The following TTLL11 variants were observed in gnomAD, a reference collection of about 807,000 sequenced individuals.
The protein encoded by TTLL11 is tubulin polyglutamylase TTLL11.
Under a neutral mutation model 51.7 loss-of-function variants are expected in TTLL11, and 42 were observed. The ratio of observed to expected loss-of-function variants is 0.81; its 90% confidence interval spans 0.64 to 1.05. The LOEUF is 1.05. Ranked by LOEUF, TTLL11 falls within the 50% of genes least tolerant of loss-of-function variation. The probability of loss-of-function intolerance (pLI) is 0.00; values close to 1 mark genes in which losing one functional copy is unlikely to be tolerated. For synonymous variants in TTLL11, 381 were observed against 383.5 expected (o/e 0.99, Z 0.08); for missense variants, 799 against 940.4 (o/e 0.85, Z 1.97).
chr9:122,007,996 G>C lies in TTLL11; in HGVS notation c.694-18226C>G, dbSNP rs534342845. On this transcript the variant is annotated intron_variant, in intron 3 of 8. Transcript: ENST00000321582. ...ATGTGCCTCCAGATATGATACCCAC[G>C]AGAAAAACACAATGTTGCTTCTGTG... is the stretch of plus-strand genomic sequence containing the variant. 2.9e-4 allele frequency among the ~76,000 whole-genome samples: 44 copies of C among 152,224 alleles called. 2 individuals carry two copies. The South Asian group carries it at 8.9e-3, about 31-fold the overall frequency.
chr9:122,006,779 G>T (rs557589691), intron 3 of TTLL11, among the ~76,000 whole-genome samples: 26 of 151,968 alleles, frequency 1.7e-4, no homozygotes, highest in Non-Finnish European at 3.7e-4. Context: ...GAGGCCAGGA[G>T]GTTCAAGACC....
At chr9:121,878,793 C>T (rs1403832696) in intron 6 of TTLL11, among the ~76,000 whole-genome samples, 1 of 152,190 alleles carries the variant, frequency 6.6e-6, no homozygotes, top group African/African-American at 2.4e-5. Flanking sequence ...CGCGTGTCTT[C>T]GCCATTGTCC....
chr9:121,962,206 G>A (rs1056822669), intron 6 of TTLL11, among the ~76,000 whole-genome samples: 1 of 152,204 alleles, frequency 6.6e-6, no homozygotes, highest in Non-Finnish European at 1.5e-5. Flanking sequence ...GAGATGTCAT[G>A]CTATGCACTT....
At chr9:122,043,858 TTTTTA>T (rs1180721132) in intron 1 of TTLL11, among the ~76,000 whole-genome samples, 73 of 152,162 alleles carry the variant, frequency 4.8e-4, no homozygotes, top group African/African-American at 1.7e-3. Context: ...TTCTTTTCTT[TTTTTA>T]TTTTATTATT....
intron 3 of TTLL11, among the ~76,000 whole-genome samples, chr9:122,002,675 G>A (rs1045363644): frequency 2.2e-4 from 34 of 152,122 alleles, no homozygotes; most frequent in African/African-American, 6.3e-4. Flanking sequence ...GGCTGGGTGC[G>A]GTGGCTCATG....
At chr9:121,873,227 A>G (rs1838420261) in intron 6 of TTLL11, among the ~76,000 whole-genome samples, 1 of 152,218 alleles carries the variant, frequency 6.6e-6, no homozygotes, top group African/African-American at 2.4e-5. Flanking sequence ...TTTGCACAGT[A>G]GACTGTTATG....
chr9:122,049,590 T>C (rs1366903544), intron 1 of TTLL11, among the ~76,000 whole-genome samples: 1 of 152,230 alleles, frequency 6.6e-6, no homozygotes, highest in African/African-American at 2.4e-5. Flanking sequence ...TACACCTGGA[T>C]GGACCCGAAA....
chr9:122,057,434 G>T (rs932646801), intron 1 of TTLL11, among the ~76,000 whole-genome samples: 3 of 149,720 alleles, frequency 2.0e-5, no homozygotes, highest in Admixed American at 6.8e-5. Flanking sequence ...CAATTCTCCT[G>T]CCTCAGCCTT....
At chr9:121,996,853 C>G (rs1843283195) in intron 3 of TTLL11, among the ~76,000 whole-genome samples, 1 of 152,212 alleles carries the variant, frequency 6.6e-6, no homozygotes, top group African/African-American at 2.4e-5. Context: ...TAATTGCCAA[C>G]TCTCCACTCT....
chr9:122,027,148 G>A (rs1844369923), intron 3 of TTLL11, among the ~76,000 whole-genome samples: 1 of 152,096 alleles, frequency 6.6e-6, no homozygotes. Context: ...GCTGGAGCAG[G>A]AGCAAGAGAG....
chr9:122,092,337 G>C (rs1375930058), intron 1 of TTLL11, among the ~76,000 whole-genome samples: 1 of 152,188 alleles, frequency 6.6e-6, no homozygotes, highest in Non-Finnish European at 1.5e-5. Flanking sequence ...AGAAGTGAGA[G>C]AGCGGGTCCG....
intron 6 of TTLL11, among the ~76,000 whole-genome samples, chr9:121,964,298 TTTG>T (rs1443396060): frequency 1.4e-5 from 2 of 146,384 alleles, no homozygotes; most frequent in Non-Finnish European, 3.0e-5. Context: ...TTTTTTGTTT[TTTG>T]TTTTTTGTTT....
intron 4 of TTLL11, among the ~76,000 whole-genome samples, chr9:121,978,843 C>G (rs951099057): frequency 1.3e-5 from 2 of 152,176 alleles, no homozygotes; most frequent in African/African-American, 4.8e-5. Context: ...TCTGCATCCA[C>G]AGTATCCCCA....
At chr9:121,976,046 G>A (rs1842701694) in intron 4 of TTLL11, among the ~76,000 whole-genome samples, 1 of 152,086 alleles carries the variant, frequency 6.6e-6, no homozygotes, top group African/African-American at 2.4e-5. Flanking sequence ...GACAGAGCTG[G>A]CTTTCACACC....
At chr9:121,931,833 T>C (rs1012383334) in intron 6 of TTLL11, among the ~76,000 whole-genome samples, 6 of 152,138 alleles carry the variant, frequency 3.9e-5, no homozygotes, top group Non-Finnish European at 8.8e-5. Context: ...CAGAGAAATA[T>C]TGATGCCAAC....
intron 2 of TTLL11, among the ~76,000 whole-genome samples, chr9:122,036,353 C>T (rs1410003023): frequency 2.0e-5 from 3 of 151,960 alleles, no homozygotes; most frequent in Non-Finnish European, 2.9e-5. Flanking sequence ...GACCCTGAAA[C>T]TCAGCAAAAG....
intron 1 of TTLL11, among the ~76,000 whole-genome samples, chr9:122,087,413 A>G (rs931333794): frequency 6.6e-6 from 1 of 152,208 alleles, no homozygotes; most frequent in Non-Finnish European, 1.5e-5. Context: ...CTAATATTAT[A>G]CAAGTTGTAA....
chr9:122,043,007 T>C (rs537206630), intron 1 of TTLL11, among the ~76,000 whole-genome samples: 2 of 152,312 alleles, frequency 1.3e-5, no homozygotes, highest in African/African-American at 4.8e-5. Context: ...GATACTATAA[T>C]GGTAGATACA....
chr9:121,819,871 A>C lies in TTLL11; in HGVS notation c.*2716T>G, dbSNP rs1200860229. 2.6e-5 allele frequency among the ~76,000 whole-genome samples: 4 copies of C among 152,242 alleles called. No individual in the cohort carries two copies. The highest frequency in any genetic ancestry group is 6.5e-5 in the Admixed American group (1 of 15,294). On this transcript the variant is annotated 3_prime_UTR_variant, in exon 9 of 9. Transcript: ENST00000321582. ...CAGTGGTGCTTCTTATTAGGAATGG[A>C]GGAGGCGGGGTGATTCAGTTATCAC...
Sources: gnomAD v4.1 joint callset for allele counts (sites outside exome capture counted in the v4.1 genomes callset) on GRCh38, gnomAD v4.1.1 for gene constraint, MANE v1.5 for transcripts, NCBI Gene and HGNC (gene_info 2026-07-23, HGNC 2026-07-21) for gene names.